The following TLCD4 variants were observed in gnomAD, a reference collection of about 807,000 sequenced individuals.
TLCD4 encodes TLC domain-containing protein 4.
In TLCD4, 7 loss-of-function variants were observed where a neutral mutation model predicts 24.2. The ratio of observed to expected loss-of-function variants is 0.29; its 90% CI spans 0.16 to 0.54. The LOEUF (loss-of-function observed/expected upper bound fraction) is 0.54, where lower values mean the gene tolerates loss of function less well. TLCD4 is among the 20% of genes least tolerant of loss of function. The pLI, the probability that TLCD4 is intolerant of heterozygous loss-of-function variation, is 0.95. For missense variants in TLCD4, 259 were observed against 313.9 expected, an observed-to-expected ratio of 0.82 and a Z score of 1.32; for synonymous variants, 103 against 106.4, an observed-to-expected ratio of 0.97 and a Z score of 0.20.
chr1:95,163,635 G>T (rs1052736156), intron 5 of TLCD4: 3 of 152,162 alleles, frequency 2.0e-5, no homozygotes, highest in Non-Finnish European at 4.4e-5. Context: ...CATCTTTATG[G>T]TTTTATCTAC....
At chr1:95,107,209 G>A in the TLCD4 span, among the ~76,000 whole-genome samples, 3 of 152,120 alleles carry the variant, frequency 2.0e-5, no homozygotes, top group Non-Finnish European at 4.4e-5. Flanking sequence ...GGATCATGAG[G>A]TCAGGAGATC....
At chr1:95,124,792 AG>A (rs1676666652) in intron 1 of TLCD4, among the ~76,000 whole-genome samples, 1 of 152,104 alleles carries the variant, frequency 6.6e-6, no homozygotes, top group African/African-American at 2.4e-5. Flanking sequence ...GAAATGAGGA[AG>A]TTTTAGATGG....
chr1:95,154,267 G>A (rs1677570735), intron 5 of TLCD4, among the ~76,000 whole-genome samples: 1 of 152,156 alleles, frequency 6.6e-6, no homozygotes, highest in Non-Finnish European at 1.5e-5. Flanking sequence ...AGAGGTGAAA[G>A]CAGCTGGCCT....
rs903008410 is a variant in TLCD4 at position 95,196,973 on chromosome 1, G to A, written c.*5105G>A. ...ATGAGATTTTTTGGTATTAGAATTT[G>A]TAATAATAATGACTTTTAGATTTTA... is the stretch of plus-strand genomic sequence containing the variant. On this transcript the variant is annotated 3_prime_UTR_variant, in exon 7 of 7. Transcript: ENST00000370203. 6.6e-6 allele frequency: 1 copy of A among 152,036 alleles called. No individual in the cohort carries two copies. Among genetic ancestry groups the A allele is most frequent in the Admixed American group, 6.6e-5 (1 of 15,258 alleles). The allele number at this position is 152,036 out of a possible 1,614,324, so 9.4% of individuals were successfully genotyped here. A position where few individuals can be genotyped will look rare whatever the true frequency, so the allele number is the denominator to read the frequency against.
upstream of TLCD4, among the ~76,000 whole-genome samples, chr1:95,116,633 C>T (rs1328695873): frequency 6.6e-6 from 1 of 152,166 alleles, no homozygotes; most frequent in Admixed American, 6.5e-5. Context: ...TGATGCAGAT[C>T]ACTTGGAGGC....
At chr1:95,178,563 C>CTTTTTT (rs57190787) in intron 6 of TLCD4, among the ~76,000 whole-genome samples, 953 of 82,314 alleles carry the variant, frequency 0.012, 24 homozygotes, top group East Asian at 0.035. Flanking sequence ...ATGCCCAGCC[C>CTTTTTT]TTTTTTTTTT....
At chr1:95,164,220 C>T (rs1004294593) in intron 5 of TLCD4, 45 of 153,870 alleles carry the variant, frequency 2.9e-4, no homozygotes, top group African/African-American at 1.0e-3. Context: ...CTCCCCCAGC[C>T]TCACTGCCGC....
intron 2 of TLCD4, among the ~76,000 whole-genome samples, chr1:95,146,931 C>A (rs1677366538): frequency 6.6e-6 from 1 of 151,996 alleles, no homozygotes; most frequent in South Asian, 2.1e-4. Flanking sequence ...CAAAAGGGAG[C>A]TTTCTGACTA....
At chr1:95,107,477 G>GT in the TLCD4 span, among the ~76,000 whole-genome samples, 4 of 152,226 alleles carry the variant, frequency 2.6e-5, no homozygotes, top group East Asian at 1.9e-4. Context: ...TTTTAGGGTA[G>GT]TTTTTTGTCT....
At position 95,173,796 on chromosome 1, in the gene TLCD4, G is replaced by A; in HGVS notation, c.400-20G>A. 6.2e-7 allele frequency: 1 copy of A among 1,613,884 alleles called. No homozygotes were observed. Among genetic ancestry groups the A allele is most frequent in the South Asian group, 1.1e-5 (1 of 91,024 alleles). On this transcript the variant is annotated intron_variant, in intron 5 of 6. Transcript: ENST00000370203. ...TTAAGAATGTTATCCTTGACGTTGT[G>A]TTTTATGTTTATCATTCAGAAAAAT...
intron 1 of TLCD4, among the ~76,000 whole-genome samples, chr1:95,129,943 A>G (rs1265091201): frequency 2.0e-5 from 3 of 152,202 alleles, no homozygotes; most frequent in Non-Finnish European, 2.9e-5. Flanking sequence ...CTTGATGCTC[A>G]GAAAAGAAAA....
chr1:95,117,980 C>T (rs1410268053), intron 1 of TLCD4: 3 of 152,298 alleles, frequency 2.0e-5, no homozygotes, highest in Non-Finnish European at 4.4e-5. Flanking sequence ...GCTGCCCTGT[C>T]TGCCTGGCGG....
At chr1:95,167,106 C>T (rs1678042627) in intron 5 of TLCD4, among the ~76,000 whole-genome samples, 1 of 151,754 alleles carries the variant, frequency 6.6e-6, no homozygotes, top group South Asian at 2.1e-4. Context: ...TTCCTGATGG[C>T]CCTCAGTATG....
intron 1 of TLCD4, among the ~76,000 whole-genome samples, chr1:95,129,778 GCTT>G (rs886646540): frequency 4.6e-5 from 7 of 152,268 alleles, no homozygotes; most frequent in South Asian, 2.1e-4. Flanking sequence ...TGAACATAGG[GCTT>G]CTTCACCTTT....
chr1:95,126,151 G>A (rs915055987), intron 1 of TLCD4, among the ~76,000 whole-genome samples: 1 of 151,060 alleles, frequency 6.6e-6, no homozygotes, highest in African/African-American at 2.4e-5. Flanking sequence ...AAGAGGCCAA[G>A]CGCAGTGGCT....
chr1:95,093,441 T>C, the TLCD4 span, among the ~76,000 whole-genome samples: 2 of 152,180 alleles, frequency 1.3e-5, no homozygotes, highest in African/African-American at 4.8e-5. Flanking sequence ...ATGTTATGGG[T>C]CATCGGACTG....
chr1:95,148,442 C>T (rs886121040), intron 2 of TLCD4, among the ~76,000 whole-genome samples: 7 of 152,172 alleles, frequency 4.6e-5, no homozygotes, highest in African/African-American at 7.2e-5. Flanking sequence ...GAACTTTTAA[C>T]CAATAAGTGA....
chr1:95,178,238 C>T lies in TLCD4; in HGVS notation c.473+4349C>T, dbSNP rs535409522. Among the ~76,000 whole-genome samples the T allele has an allele frequency of 2.0e-5, 3 of 148,594 alleles. No homozygotes were observed. The South Asian group carries it at 6.5e-4, about 32-fold the overall frequency. Reference sequence around the variant, plus strand: ...CTAGGATTACAGGTGTGAGCCACTGCACCCGGCCTCTTTTTAATTTTTATT... The same window carrying T: ...CTAGGATTACAGGTGTGAGCCACTGTACCCGGCCTCTTTTTAATTTTTATT... On this transcript the variant is annotated intron_variant, in intron 6 of 6. Transcript: ENST00000370203.
chr1:95,168,554 CTTTTTT>C lies in TLCD4; in HGVS notation c.400-5238_400-5233del, dbSNP rs34574043. 8.8e-3 allele frequency among the ~76,000 whole-genome samples: 450 copies of C among 51,148 alleles called. 5 individuals are homozygous for C. Among genetic ancestry groups the C allele is most frequent in the African/African-American group, 0.027 (380 of 14,052 alleles). 33.6% of individuals were successfully genotyped at this position (51,148 alleles called of 152,430 possible). A position where few individuals can be genotyped will look rare whatever the true frequency, so the allele number is the denominator to read the frequency against. On this transcript the variant is annotated intron_variant, in intron 5 of 6. Coordinates refer to ENST00000370203, the MANE Select transcript of TLCD4 (RefSeq NM_152487.3). ...TCTTTTGGAATGAAATGTGAGTGAGCTTTTTTTTTTTTTTTTTTTTTTTTTTTTTAA... is the reference window on the plus strand; with the variant it reads ...TCTTTTGGAATGAAATGTGAGTGAGCTTTTTTTTTTTTTTTTTTTTTTTAA...
Sources: gnomAD v4.1 joint callset for allele counts (sites outside exome capture counted in the v4.1 genomes callset) on GRCh38, gnomAD v4.1.1 for gene constraint, MANE v1.5 for transcripts, NCBI Gene and HGNC (gene_info 2026-07-23, HGNC 2026-07-21) for gene names.